Variants in STAU1 observed in about 807,000 individuals in gnomAD.
STAU1 encodes double-stranded RNA-binding protein Staufen homolog 1.
STAU1 carries 13 observed loss-of-function variants against 62.9 expected under a neutral mutation model. The observed-to-expected ratio is 0.21, with a 90% CI of 0.13 to 0.33. The LOEUF (loss-of-function observed/expected upper bound fraction) is 0.33, where lower values mean the gene tolerates loss of function less well. Among genes scored for constraint, STAU1 ranks in the 10% least tolerant of loss-of-function variants. The probability of loss-of-function intolerance (pLI) is 1.00; values close to 1 mark genes in which losing one functional copy is unlikely to be tolerated. For synonymous variants in STAU1, 269 were observed against 265.1 expected (o/e 1.01, Z -0.14); for missense variants, 571 against 712.1 (o/e 0.80, Z 2.25).
chr20:49,178,382 G>C (rs2093684765), intron 1 of STAU1, among the ~76,000 whole-genome samples: 1 of 152,156 alleles, frequency 6.6e-6, no homozygotes, highest in Non-Finnish European at 1.5e-5. Flanking sequence ...GGGAGGCCAA[G>C]GTGGGCCAAT....
intron 2 of STAU1, among the ~76,000 whole-genome samples, chr20:49,171,462 ATTT>A (rs1158115817): frequency 6.7e-6 from 1 of 149,312 alleles, no homozygotes; most frequent in Non-Finnish European, 1.5e-5. Context: ...CGCCCGGCTA[ATTT>A]TTTTTTTGTA....
intron 5 of STAU1, among the ~76,000 whole-genome samples, chr20:49,147,943 C>A (rs1320285769): frequency 6.6e-6 from 1 of 152,136 alleles, no homozygotes; most frequent in African/African-American, 2.4e-5. Flanking sequence ...TGAATATACA[C>A]CAAATGGTTA....
At chr20:49,182,765 G>A (rs2093741198) in intron 1 of STAU1, among the ~76,000 whole-genome samples, 1 of 150,484 alleles carries the variant, frequency 6.6e-6, no homozygotes, top group African/African-American at 2.5e-5. Context: ...CATGAACCCA[G>A]GAGGTGGAGC....
chr20:49,195,563 ATAG>A, the STAU1 span, among the ~76,000 whole-genome samples: 1 of 102,886 alleles, frequency 9.7e-6, no homozygotes, highest in Non-Finnish European at 1.9e-5. Context: ...AAAAAAAAAG[ATAG>A]CAACAGACAG....
chr20:49,133,211 C>G (rs879696588), intron 6 of STAU1, among the ~76,000 whole-genome samples: 3 of 152,194 alleles, frequency 2.0e-5, no homozygotes, highest in Admixed American at 6.5e-5. Flanking sequence ...AGCAATCTGA[C>G]CCCAAATCCC....
intron 1 of STAU1, among the ~76,000 whole-genome samples, chr20:49,187,779 C>A (rs1412052886): frequency 4.8e-5 from 2 of 42,074 alleles, no homozygotes; most frequent in African/African-American, 3.1e-4. Context: ...AGGGACCCCC[C>A]CCCCCCCCCG....
chr20:49,207,949 C>T, the STAU1 span, among the ~76,000 whole-genome samples: 55 of 152,182 alleles, frequency 3.6e-4, no homozygotes, highest in Middle Eastern at 0.01. Context: ...GGCATGATCT[C>T]GGCTCACTGT....
At position 49,166,249 on chromosome 20, in the gene STAU1, G is replaced by A. The variant is rs41283570; in HGVS notation, c.-48C>T. The A allele has an allele frequency of 9.6e-6, 15 of 1,555,384 alleles. No individual in the cohort carries two copies. The highest frequency in any genetic ancestry group is 1.3e-5 in the Non-Finnish European group (15 of 1,128,808). On this transcript the variant is annotated 5_prime_UTR_variant, in exon 3 of 14. Transcript: ENST00000371856. ...CAAATGCAGGTAAACAGCTTTCAGT[G>A]CAGGTTAATTCAGTGCTATGAAGTC...
At chr20:49,116,501 AT>A (rs199876707) in intron 12 of STAU1, among the ~76,000 whole-genome samples, 15 of 150,830 alleles carry the variant, frequency 9.9e-5, no homozygotes, top group African/African-American at 3.6e-4. Context: ...CACCTGGCTA[AT>A]TTTTTTTTGT....
the STAU1 span, among the ~76,000 whole-genome samples, chr20:49,215,392 CA>C: frequency 1.3e-5 from 2 of 152,092 alleles, no homozygotes; most frequent in Non-Finnish European, 2.9e-5. Flanking sequence ...TGACCTTGGG[CA>C]ATTTCCTTAA....
intron 12 of STAU1, 119 bp from the exon 13 acceptor site, chr20:49,115,986 A>G: frequency 1.4e-6 from 1 of 705,232 alleles, no homozygotes; most frequent in South Asian, 1.7e-5. Flanking sequence ...AACTTCTTCA[A>G]CTCTGGTACT....
chr20:49,163,677 T>TGGCCTCCCAA (rs1475516585), intron 3 of STAU1, among the ~76,000 whole-genome samples: 1 of 152,152 alleles, frequency 6.6e-6, no homozygotes, highest in Non-Finnish European at 1.5e-5. Flanking sequence ...CCACCTGCCT[T>TGGCCTCCCAA]GGCCTCCCAA....
intron 1 of STAU1, among the ~76,000 whole-genome samples, chr20:49,177,106 C>T (rs1285761448): frequency 4.0e-5 from 6 of 151,786 alleles, no homozygotes; most frequent in Non-Finnish European, 8.8e-5. Flanking sequence ...AGAGATGGGT[C>T]TCACCATGTT....
At chr20:49,165,156 T>C (rs1379947528) in intron 3 of STAU1, among the ~76,000 whole-genome samples, 1 of 152,070 alleles carries the variant, frequency 6.6e-6, no homozygotes, top group East Asian at 1.9e-4. Flanking sequence ...GTGATTCTTC[T>C]ATATCAGCCT....
intron 6 of STAU1, among the ~76,000 whole-genome samples, chr20:49,133,190 G>A (rs2092790059): frequency 6.6e-6 from 1 of 152,196 alleles, no homozygotes; most frequent in African/African-American, 2.4e-5. Flanking sequence ...CAAAAGTGAA[G>A]GAGGAAAGGA....
At chr20:49,165,931 C>T (rs1444455868) in intron 3 of STAU1, 66 bp downstream of exon 3, 2 of 1,535,740 alleles carry the variant, frequency 1.3e-6, no homozygotes, top group African/African-American at 2.7e-5. Context: ...AATCTGCAAC[C>T]TATCAGATCA....
At position 49,147,011 on chromosome 20, in the gene STAU1, A is replaced by G. The variant is rs147520232; in HGVS notation, c.510+4571T>C. Among the ~76,000 whole-genome samples, 29 of 152,336 alleles carry G rather than the reference A, an allele frequency of 1.9e-4. No homozygotes were observed. The Middle Eastern group carries it at 0.01, about 54-fold the overall frequency. ...CATTAGCACAAACCTTAGATTAAATAAACAAATAACCCATGCACTTTCTTA... is the reference window on the plus strand; with the variant it reads ...CATTAGCACAAACCTTAGATTAAATGAACAAATAACCCATGCACTTTCTTA... On this transcript the variant is annotated intron_variant, in intron 5 of 13. Coordinates refer to ENST00000371856, the MANE Select transcript of STAU1 (RefSeq NM_017453.4).
At position 49,117,979 on chromosome 20, in the gene STAU1, G is replaced by C. The variant is rs1242028247; in HGVS notation, c.1307C>G (p.Thr436Ser). The C allele has an allele frequency of 6.2e-7, 1 of 1,614,180 alleles. No individual in the cohort carries two copies. The highest frequency in any genetic ancestry group is 8.5e-7 in the Non-Finnish European group (1 of 1,180,036). ...CGGAGCTGCCCTGGTAAAATCTTTGGTGTGATGTCCTTGACTAACTCCTAC... is the reference window on the plus strand; with the variant it reads ...CGGAGCTGCCCTGGTAAAATCTTTGCTGTGATGTCCTTGACTAACTCCTAC... Reference protein sequence around the residue: ...QAVGVSQGHHTKDFTRAAPNP... With the variant: ...QAVGVSQGHHSKDFTRAAPNP... The change falls in exon 11 of 14, where the codon ACC becomes AGC. Residue 436 changes from threonine to serine, a missense_variant. By Grantham distance (58) the Thr-to-Ser change is moderately conservative. This residue lies in a region of STAU1 where 156 missense variants were observed against 194.7 expected (regional missense o/e 0.80). Transcript: ENST00000371856. The surrounding 1 kb of genome is among the most constrained non-coding windows in gnomAD (Gnocchi z 4.6).
At chr20:49,161,870 C>G (rs2093453935) in intron 3 of STAU1, among the ~76,000 whole-genome samples, 1 of 152,166 alleles carries the variant, frequency 6.6e-6, no homozygotes. Context: ...TTTTCTGAAC[C>G]AGTTGAAGCC....
Sources: gnomAD v4.1 joint callset for allele counts (sites outside exome capture counted in the v4.1 genomes callset) on GRCh38, gnomAD v4.1.1 for gene constraint, gnomAD v4.1.1 regional missense constraint, Gnocchi (gnomAD v3.1) non-coding constraint, MANE v1.5 for transcripts, NCBI Gene and HGNC (gene_info 2026-07-23, HGNC 2026-07-21) for gene names.